The following RNLS variants were observed in gnomAD, a reference collection of about 807,000 sequenced individuals.
RNLS encodes renalase.
A neutral mutation model predicts 39.8 loss-of-function variants in RNLS; 39 were observed. The ratio of observed to expected loss-of-function variants is 0.98; its 90% CI spans 0.76 to 1.28. The LOEUF is 1.28. Among genes scored for constraint, RNLS ranks in the 50% most tolerant of loss-of-function variants. RNLS has a pLI of 0.00. For synonymous variants in RNLS, 147 were observed against 150.7 expected (o/e 0.98, Z 0.18); for missense variants, 410 against 413.3 (o/e 0.99, Z 0.07).
intron 4 of RNLS, among the ~76,000 whole-genome samples, chr10:88,385,438 T>G (rs1934352112): frequency 6.6e-6 from 1 of 152,246 alleles, no homozygotes; most frequent in East Asian, 1.9e-4. Context: ...CAGGTATTTC[T>G]ATTTATTAAA....
the RNLS span, among the ~76,000 whole-genome samples, chr10:88,252,014 T>C: frequency 6.6e-6 from 1 of 152,148 alleles, no homozygotes; most frequent in Non-Finnish European, 1.5e-5. Context: ...ATATTTCTTC[T>C]CGTTCCAAGT....
intron 5 of RNLS, among the ~76,000 whole-genome samples, chr10:88,328,176 G>T: frequency 6.6e-6 from 1 of 152,192 alleles, no homozygotes; most frequent in Non-Finnish European, 1.5e-5. Context: ...CCAAAGTGCT[G>T]GGATTATAGG....
At chr10:88,545,571 G>C in intron 4 of RNLS, 1 of 420,496 alleles carries the variant, frequency 2.4e-6, no homozygotes, top group South Asian at 1.7e-5. Flanking sequence ...CCATGATTCA[G>C]TTACCTCCCA....
rs1220529299 is a variant in RNLS, at chr10:88,347,354, T to A, written c.700+15198A>T. Among the ~76,000 whole-genome samples the A allele has an allele frequency of 2.6e-5, 4 of 152,124 alleles. No individual in the cohort carries two copies. The East Asian group carries it at 5.8e-4, about 22-fold the overall frequency. ...TCCCACAGACAGCCTTTTTCCAGGT[T>A]CCCTCTCTGAACAGATTGACATGGT... On this transcript the variant is annotated intron_variant, in intron 5 of 6. Coordinates refer to ENST00000331772, the MANE Select transcript of RNLS (RefSeq NM_001031709.3).
intron 4 of RNLS, among the ~76,000 whole-genome samples, chr10:88,526,266 T>C (rs1847094242): frequency 1.3e-5 from 2 of 150,982 alleles, no homozygotes; most frequent in African/African-American, 4.9e-5. Context: ...TCATACTAGA[T>C]GAATTTATGC....
chr10:88,334,833 C>CT (rs1403636296), intron 5 of RNLS, among the ~76,000 whole-genome samples: 1 of 151,848 alleles, frequency 6.6e-6, no homozygotes, highest in Non-Finnish European at 1.5e-5. Flanking sequence ...CATTCAATCT[C>CT]TTAAAAAAAA....
intron 4 of RNLS, among the ~76,000 whole-genome samples, chr10:88,512,940 G>A (rs1406755034): frequency 6.6e-6 from 1 of 152,024 alleles, no homozygotes; most frequent in African/African-American, 2.4e-5. Flanking sequence ...AAGTGCAAAT[G>A]GTAATAATAA....
the RNLS span, among the ~76,000 whole-genome samples, chr10:88,221,217 C>T: frequency 2.6e-5 from 4 of 152,164 alleles, no homozygotes; most frequent in Non-Finnish European, 4.4e-5. Context: ...ATCTGGCCAC[C>T]AAGGTTTAGC....
intron 4 of RNLS, among the ~76,000 whole-genome samples, chr10:88,429,977 G>A (rs1454458832): frequency 6.6e-6 from 1 of 151,660 alleles, no homozygotes; most frequent in African/African-American, 2.4e-5. Context: ...TTTTCAAATT[G>A]TTTTCCCTAT....
chr10:88,429,703 T>TA (rs1157256620), intron 4 of RNLS, among the ~76,000 whole-genome samples: 55 of 152,026 alleles, frequency 3.6e-4, no homozygotes, highest in African/African-American at 1.3e-3. Context: ...CATTGTGAGA[T>TA]AAAGATCACA....
intron 4 of RNLS, among the ~76,000 whole-genome samples, chr10:88,431,381 G>C (rs964614358): frequency 1.3e-5 from 2 of 151,560 alleles, no homozygotes; most frequent in African/African-American, 4.8e-5. Context: ...GATCAGTCTG[G>C]CTAGAGAATT....
At chr10:88,272,944 C>T (rs554246198), downstream of RNLS, among the ~76,000 whole-genome samples, 1 of 152,280 alleles carries the variant, frequency 6.6e-6, no homozygotes, top group South Asian at 2.1e-4. Flanking sequence ...CCTGGAGTTT[C>T]AATCCAGGTA....
chr10:88,535,896 C>G (rs1306966470), intron 4 of RNLS, among the ~76,000 whole-genome samples: 1 of 151,836 alleles, frequency 6.6e-6, no homozygotes, highest in Non-Finnish European at 1.5e-5. Context: ...GACTTAAAGG[C>G]TATTAAAGAA....
intron 4 of RNLS, among the ~76,000 whole-genome samples, chr10:88,376,357 C>CTATT (rs1371329580): frequency 6.6e-6 from 1 of 152,044 alleles, no homozygotes; most frequent in East Asian, 1.9e-4. Context: ...AAATTTACCT[C>CTATT]TATTTCAAAT....
intron 4 of RNLS, among the ~76,000 whole-genome samples, chr10:88,398,101 C>A (rs1852673887): frequency 6.6e-6 from 1 of 152,020 alleles, no homozygotes; most frequent in Non-Finnish European, 1.5e-5. Flanking sequence ...GCCAACAGAT[C>A]AGAAGATGAC....
chr10:88,570,765 A>AG (rs1290560595), intron 4 of RNLS, among the ~76,000 whole-genome samples: 2 of 152,290 alleles, frequency 1.3e-5, no homozygotes, highest in East Asian at 3.9e-4. Context: ...GTTGCCAGCT[A>AG]GGGCTTTTTA....
the RNLS span, among the ~76,000 whole-genome samples, chr10:88,187,213 T>G: frequency 8.2e-6 from 1 of 121,270 alleles, no homozygotes; most frequent in Admixed American, 9.0e-5. Context: ...ATATAATATA[T>G]ATATATAGGA....
the RNLS span, among the ~76,000 whole-genome samples, chr10:88,220,772 G>A: frequency 6.6e-6 from 1 of 152,092 alleles, no homozygotes; most frequent in Non-Finnish European, 1.5e-5. Context: ...ACCATGTGTT[G>A]AGCACCTACT....
At chr10:88,375,025 T>TTAAAG (rs1047008900) in intron 4 of RNLS, among the ~76,000 whole-genome samples, 2 of 152,288 alleles carry the variant, frequency 1.3e-5, no homozygotes, top group East Asian at 3.9e-4. Context: ...AGTTTCCTTC[T>TTAAAG]TAAAGTATAT....
Sources: gnomAD v4.1 joint callset for allele counts (sites outside exome capture counted in the v4.1 genomes callset) on GRCh38, gnomAD v4.1.1 for gene constraint, MANE v1.5 for transcripts, NCBI Gene and HGNC (gene_info 2026-07-23, HGNC 2026-07-21) for gene names.